BCL9: variants seen among roughly 807,000 people sequenced by gnomAD.
The protein encoded by BCL9 is BCL9 transcription coactivator, also known as B-cell CLL/lymphoma 9 protein.
A neutral mutation model predicts 88.5 loss-of-function variants in BCL9; 25 were observed. The observed-to-expected ratio is 0.28, with a 90% CI of 0.21 to 0.39. The LOEUF (loss-of-function observed/expected upper bound fraction) is 0.39. Ranked by LOEUF, BCL9 falls within the 10% of genes least tolerant of loss-of-function variation. BCL9 has a pLI of 1.00. For synonymous variants in BCL9, 711 were observed against 673.3 expected, an observed-to-expected ratio of 1.06 and a Z score of -0.87; for missense variants, 1,817 against 1,877.8, an observed-to-expected ratio of 0.97 and a Z score of 0.60.
At chr1:147,576,738 A>T (rs1553198137) in intron 1 of BCL9, among the ~76,000 whole-genome samples, 1 of 152,168 alleles carries the variant, frequency 6.6e-6, no homozygotes, top group African/African-American at 2.4e-5. Context: ...GATAGGTTCC[A>T]GTCACTGTAG....
At chr1:147,601,119 A>G (rs1455534800) in intron 1 of BCL9, among the ~76,000 whole-genome samples, 2 of 152,158 alleles carry the variant, frequency 1.3e-5, no homozygotes, top group Non-Finnish European at 2.9e-5. Context: ...ATGAAGGAGG[A>G]GGCCAGAAAT....
chr1:147,612,993 C>T lies in BCL9; in HGVS notation c.164C>T (p.Ser55Leu), dbSNP rs1553202885. The T allele has an allele frequency of 6.2e-7, 1 of 1,608,130 alleles. No homozygotes were observed. Among genetic ancestry groups the T allele is most frequent in the Non-Finnish European group, 8.5e-7 (1 of 1,177,264 alleles). The change falls in exon 5 of 10, where the codon TCA becomes TTA. Residue 55 changes from serine to leucine, a missense_variant. Ser to Leu is a moderately radical substitution (Grantham distance 145). Around this residue, in one of 2 missense-constraint regions of BCL9, gnomAD observed 1,228 missense variants for 1,191.6 expected, o/e 1.03. Transcript: ENST00000234739. ...KFSNQGKQGG[S>L]ASQSQPSPCD... Reference sequence around the variant, plus strand: ...TCCAATCAGGGTAAACAGGGGGGCTCAGCCAGCCAATCCCAGCCATCCCCC... The same window carrying T: ...TCCAATCAGGGTAAACAGGGGGGCTTAGCCAGCCAATCCCAGCCATCCCCC...
Position 147,604,806 on chromosome 1 carries a change from C to G in BCL9, c.-448C>G, listed in dbSNP as rs781858897. 6.6e-6 allele frequency: 1 copy of G among 152,200 alleles called. No individual in the cohort carries two copies. The highest frequency in any genetic ancestry group is 6.5e-5 in the Admixed American group (1 of 15,284). The allele number at this position is 152,200 out of a possible 1,614,324, so 9.4% of individuals were successfully genotyped here. A position where few individuals can be genotyped will look rare whatever the true frequency, so the allele number is the denominator to read the frequency against. On this transcript the variant is annotated 5_prime_UTR_variant, in exon 2 of 10. Coordinates refer to ENST00000234739, the MANE Select transcript of BCL9 (RefSeq NM_004326.4). The stretch of plus-strand genomic sequence containing the variant: ...GAATGTGGGCCCAGTTGGCGTCATT[C>G]TGCTTTGACCTAAACATTCCCATCT...
At chr1:147,600,022 G>T (rs1657282069) in intron 1 of BCL9, among the ~76,000 whole-genome samples, 1 of 150,996 alleles carries the variant, frequency 6.6e-6, no homozygotes, top group East Asian at 2.0e-4. Context: ...CGGTGGGGAG[G>T]GGGCACCCTC....
rs371078577 is a variant in BCL9 at position 147,618,972 on chromosome 1, C to A, written c.817C>A (p.Pro273Thr). The change falls in exon 8 of 10, where the codon CCC becomes ACC. Residue 273 changes from proline to threonine, a missense_variant. This residue lies in a region of BCL9 where 1,228 missense variants were observed against 1,191.6 expected (regional missense o/e 1.03). Transcript: ENST00000234739. ...PAPKPAAPPR[P>T]LDRESPGVEN... ...ACCCAAGCCTGCCGCACCCCCACGT[C>A]CCCTGGACCGGGAGAGTCCTGGGGT... The A allele has an allele frequency of 6.3e-5, 102 of 1,613,488 alleles. No homozygotes were observed. Among genetic ancestry groups the A allele is most frequent in the Non-Finnish European group, 8.1e-5 (96 of 1,179,730 alleles).
At chr1:147,561,548 C>A (rs1655374851) in intron 1 of BCL9, among the ~76,000 whole-genome samples, 1 of 152,156 alleles carries the variant, frequency 6.6e-6, no homozygotes, top group Admixed American at 6.5e-5. Flanking sequence ...TGATGCAGCC[C>A]AAACATGAAT....
chr1:147,617,525 C>G (rs1658347511), intron 7 of BCL9, among the ~76,000 whole-genome samples: 1 of 121,370 alleles, frequency 8.2e-6, no homozygotes. Flanking sequence ...TTCAGCTGAT[C>G]TTACCCACAC....
At chr1:147,616,889 T>G (rs1658310614) in intron 7 of BCL9, among the ~76,000 whole-genome samples, 2 of 152,182 alleles carry the variant, frequency 1.3e-5, no homozygotes, top group African/African-American at 4.8e-5. Flanking sequence ...TGGGGGATAC[T>G]AAGAAGTTCA....
At chr1:147,580,469 G>C (rs587648041) in intron 1 of BCL9, among the ~76,000 whole-genome samples, 75 of 152,182 alleles carry the variant, frequency 4.9e-4, no homozygotes, top group African/African-American at 1.7e-3. Flanking sequence ...CTGTGAGACT[G>C]AGTCTTCCTA....
At chr1:147,605,603 T>C (rs1657657217) in intron 2 of BCL9, among the ~76,000 whole-genome samples, 1 of 152,228 alleles carries the variant, frequency 6.6e-6, no homozygotes. Context: ...CCATGAGTAC[T>C]AAAATGTACA....
chr1:147,558,641 T>C (rs984899693), intron 1 of BCL9, among the ~76,000 whole-genome samples: 1 of 152,164 alleles, frequency 6.6e-6, no homozygotes, highest in Admixed American at 6.5e-5. Flanking sequence ...TACCATGACA[T>C]GGCCCTTCCT....
chr1:147,587,428 G>C (rs1169587963), intron 1 of BCL9, among the ~76,000 whole-genome samples: 2 of 152,144 alleles, frequency 1.3e-5, no homozygotes, highest in African/African-American at 4.8e-5. Flanking sequence ...TTGCACCTCT[G>C]CCGTTGCATT....
intron 5 of BCL9, among the ~76,000 whole-genome samples, 154 bp downstream of exon 5, chr1:147,613,353 TC>T (rs587680547): frequency 2.8e-4 from 42 of 152,322 alleles, no homozygotes; most frequent in African/African-American, 1.0e-3. Flanking sequence ...TGGAACTATT[TC>T]TTCTCATTTT....
intron 1 of BCL9, among the ~76,000 whole-genome samples, chr1:147,572,443 T>C (rs1216554889): frequency 1.3e-5 from 2 of 152,202 alleles, no homozygotes; most frequent in African/African-American, 2.4e-5. Flanking sequence ...CTAGCATTGA[T>C]AGACATCACT....
At chr1:147,591,666 T>C (rs1335284011) in intron 1 of BCL9, among the ~76,000 whole-genome samples, 1 of 152,194 alleles carries the variant, frequency 6.6e-6, no homozygotes, top group African/African-American at 2.4e-5. Context: ...CCCACACATA[T>C]GCTGTGCTCC....
intron 1 of BCL9, among the ~76,000 whole-genome samples, chr1:147,598,863 G>T (rs782279074): frequency 1.5e-4 from 23 of 152,328 alleles, no homozygotes; most frequent in Admixed American, 5.2e-4. Flanking sequence ...GTTGTTCACC[G>T]CAGCAACCGG....
At chr1:147,610,242 GTTTT>G (rs1202835240) in intron 3 of BCL9, among the ~76,000 whole-genome samples, 1 of 150,250 alleles carries the variant, frequency 6.7e-6, no homozygotes, top group Non-Finnish European at 1.5e-5. Context: ...AGACCAAAAT[GTTTT>G]TTAACATGCT....
At chr1:147,558,808 A>G (rs1431322539) in intron 1 of BCL9, among the ~76,000 whole-genome samples, 1 of 152,224 alleles carries the variant, frequency 6.6e-6, no homozygotes, top group Non-Finnish European at 1.5e-5. Context: ...AAACAGAAGC[A>G]TTCAAAATTG....
At chr1:147,608,454 G>T (rs935595967) in intron 3 of BCL9, among the ~76,000 whole-genome samples, 2 of 151,518 alleles carry the variant, frequency 1.3e-5, no homozygotes, top group African/African-American at 4.9e-5. Flanking sequence ...AGGCTGGAAG[G>T]GATAGGCTTA....
Sources: allele counts gnomAD v4.1 joint callset (sites outside exome capture counted in the v4.1 genomes callset), GRCh38; gene constraint gnomAD v4.1.1; regional missense constraint gnomAD v4.1.1; transcripts MANE v1.5; gene names NCBI Gene and HGNC (gene_info 2026-07-23, HGNC 2026-07-21).